The following ZNF823 variants were observed in gnomAD, a reference collection of about 807,000 sequenced individuals.
ZNF823 encodes zinc finger protein 823, also known as ZFP 36 for a zinc finger protein.
Under a neutral mutation model 11.4 loss-of-function variants are expected in ZNF823, and 5 were observed. That is an observed-to-expected ratio of 0.44 (90% CI 0.23 to 0.92). The LOEUF (loss-of-function observed/expected upper bound fraction) is 0.92. ZNF823 is among the 40% of genes least tolerant of loss of function. ZNF823 has a pLI of 0.24. For synonymous variants in ZNF823, 234 were observed against 250.5 expected (o/e 0.93, Z 0.62); for missense variants, 582 against 738.5 (o/e 0.79, Z 2.46).
Position 11,722,958 on chromosome 19 carries a change from A to C in ZNF823, c.576T>G (p.Tyr192Ter). ...AGGCTTTCCCACACAACTTACATTT[A>C]TAAGGTCCATCTCCATGGTGTGCCG... ...HMAAHHGDGPYKCKLCGKAFV... is the reference protein window; with the variant it reads ...HMAAHHGDGP The change falls in exon 4 of 4, where the codon TAT becomes TAG. Residue 192 changes from tyrosine (Y) to a stop codon, truncating the protein, a stop_gained. Transcript: ENST00000341191. LOFTEE classifies it low-confidence loss of function (END_TRUNC). The surrounding 1 kb of genome is among the most constrained non-coding windows in gnomAD (Gnocchi z 5.2). The C allele has an allele frequency of 6.2e-7, 1 of 1,614,238 alleles. No homozygotes were observed. The highest frequency in any genetic ancestry group is 8.5e-7 in the Non-Finnish European group (1 of 1,180,042).
At chr19:11,725,063 A>C in intron 2 of ZNF823, 138 bp downstream of exon 2, 3 of 1,121,880 alleles carry the variant, frequency 2.7e-6, no homozygotes, top group Non-Finnish European at 3.7e-6. Flanking sequence ...AGACTGTTTG[A>C]GGGGCTGACA....
intron 1 of ZNF823, among the ~76,000 whole-genome samples, chr19:11,727,391 T>C (rs1974810490): frequency 6.6e-6 from 1 of 151,888 alleles, no homozygotes; most frequent in Non-Finnish European, 1.5e-5. Flanking sequence ...GCACCTGTCA[T>C]CCCAGCTACT....
Position 11,722,560 on chromosome 19 carries a change from C to T in ZNF823, c.974G>A (p.Arg325Lys), listed in dbSNP as rs1472367927. The stretch of plus-strand genomic sequence containing the variant: ...TTTATGTGGTCCGTCTCCAGTGTGC[C>T]TTATCATGTGTCTTCGAAAGCTTGT... Reference protein sequence around the residue: ...HHTSFRRHMIRHTGDGPHKCK... With the variant: ...HHTSFRRHMIKHTGDGPHKCK... The change falls in exon 4 of 4, where the codon AGG (arginine) becomes AAG (lysine). Residue 325 changes from arginine (R) to lysine (K), a missense_variant. This residue lies in a region of ZNF823 where 429 missense variants were observed against 553.7 expected (regional missense o/e 0.77). Transcript: ENST00000341191. This position sits in a 1 kb window ranked among gnomAD's most constrained non-coding sequence, Gnocchi z 5.2. The T allele has an allele frequency of 1.9e-6, 3 of 1,614,052 alleles. No homozygotes were observed. Among genetic ancestry groups the T allele is most frequent in the Admixed American group, 1.7e-5 (1 of 60,010 alleles).
At chr19:11,731,504 C>T (rs1396710969) in intron 1 of ZNF823, among the ~76,000 whole-genome samples, 2 of 152,062 alleles carry the variant, frequency 1.3e-5, no homozygotes, top group Admixed American at 6.6e-5. Context: ...AAAGGTGTGC[C>T]GTTCGCTGAA....
chr19:11,727,921 T>C (rs908441275), intron 1 of ZNF823, among the ~76,000 whole-genome samples: 1 of 150,502 alleles, frequency 6.6e-6, no homozygotes, highest in African/African-American at 2.4e-5. Flanking sequence ...GGAGTCTCGC[T>C]CTGTAGCCCA....
At position 11,722,166 on chromosome 19, in the gene ZNF823, A is replaced by G. The variant is rs765894697; in HGVS notation, c.1368T>C (p.Ser456=). The G allele has an allele frequency of 3.1e-6, 5 of 1,614,164 alleles. No homozygotes were observed. The highest frequency in any genetic ancestry group is 4.2e-6 in the Non-Finnish European group (5 of 1,180,022). The change falls in exon 4 of 4, where the codon TCT becomes TCC. Residue 456 remains serine, a synonymous_variant. Transcript: ENST00000341191. The surrounding 1 kb of genome is among the most constrained non-coding windows in gnomAD (Gnocchi z 5.2). ...GAGTTGTCTCATGATTTTGAAAGGA[A>G]GAGAGATCACTAAAGGCTTTCCCAC... The part of the protein sequence containing the change: ...CQCGKAFSDL[S]SFQNHETTHT...
In ZNF823 at chr19:11,721,763, C is replaced by T. The variant is rs1294000208; in HGVS notation, c.1771G>A (p.Ala591Thr). ...KLYECKECGK[A>T]LSSLRSLHRH... Reference sequence around the variant, plus strand: ...TGCAAGGAACGGAGAGAACTCAATGCTTTCCCACATTCCTTACATTCATAC... The same window carrying T: ...TGCAAGGAACGGAGAGAACTCAATGTTTTCCCACATTCCTTACATTCATAC... Residue 591 changes from alanine to threonine, a missense_variant, in exon 4 of 4, where the codon GCA (alanine) becomes ACA (threonine). Ala to Thr is a moderately conservative substitution (Grantham distance 58). Around this residue, in one of 3 missense-constraint regions of ZNF823, gnomAD observed 144 missense variants for 154.3 expected, o/e 0.93. Transcript: ENST00000341191. 6.2e-7 allele frequency: 1 copy of T among 1,614,138 alleles called. No homozygotes were observed. Among genetic ancestry groups the T allele is most frequent in the Non-Finnish European group, 8.5e-7 (1 of 1,179,990 alleles).
chr19:11,736,628 T>C (rs1974997539), intron 1 of ZNF823, among the ~76,000 whole-genome samples: 1 of 152,282 alleles, frequency 6.6e-6, no homozygotes, highest in South Asian at 2.1e-4. Context: ...CTTTATCTTC[T>C]TTATTAAGCT....
chr19:11,731,799 C>G (rs1280820928), intron 1 of ZNF823, among the ~76,000 whole-genome samples: 2 of 152,138 alleles, frequency 1.3e-5, no homozygotes, highest in Non-Finnish European at 2.9e-5. Flanking sequence ...CACCTGAGGT[C>G]AGGAGTTCGA....
chr19:11,730,347 T>G (rs1974871192), intron 1 of ZNF823: 1 of 151,144 alleles, frequency 6.6e-6, no homozygotes, highest in Non-Finnish European at 1.5e-5. Flanking sequence ...CTCTGGGAGG[T>G]TGGAGTGGGA....
At position 11,723,128 on chromosome 19, in the gene ZNF823, A is replaced by G. The variant is rs1974724732; in HGVS notation, c.406T>C (p.Tyr136His). Residue 136 changes from tyrosine to histidine, a missense_variant, in exon 4 of 4, where the codon TAT (tyrosine) becomes CAT (histidine). Around this residue, in one of 3 missense-constraint regions of ZNF823, gnomAD observed 429 missense variants for 553.7 expected, o/e 0.77. Coordinates refer to ENST00000341191, the MANE Select transcript of ZNF823 (RefSeq NM_001080493.4). ...CEHQEYGEKPYTHKQRGKAIS... is the reference protein window; with the variant it reads ...CEHQEYGEKPHTHKQRGKAIS... ...GCTTTCCCACGTTGTTTATGTGTAT[A>G]TGGCTTCTCTCCATATTCCTGATGC... 6.2e-7 allele frequency: 1 copy of G among 1,614,148 alleles called. No homozygotes were observed. The highest frequency in any genetic ancestry group is 1.1e-5 in the South Asian group (1 of 91,082).
In ZNF823 at chr19:11,723,276, A is replaced by T. The variant is rs368436106; in HGVS notation, c.258T>A (p.Ser86Arg). 6.8e-6 allele frequency: 11 copies of T among 1,613,852 alleles called. No individual in the cohort carries two copies. Among genetic ancestry groups the T allele is most frequent in the Non-Finnish European group, 9.3e-6 (11 of 1,179,878 alleles). Residue 86 changes from serine (S) to arginine (R), a missense_variant, in exon 4 of 4, where the codon AGT (serine) becomes AGA (arginine). By Grantham distance (110) the Ser-to-Arg change is moderately radical. This residue lies in a region of ZNF823 where 429 missense variants were observed against 553.7 expected (regional missense o/e 0.77). Coordinates refer to ENST00000341191, the MANE Select transcript of ZNF823 (RefSeq NM_001080493.4). Reference sequence around the variant, plus strand: ...CTCGAGGAGTGTTCTTGTTCACAATACTATCTGGAATCTGGCCAAAAGTTT... The same window carrying T: ...CTCGAGGAGTGTTCTTGTTCACAATTCTATCTGGAATCTGGCCAAAAGTTT... The part of the protein sequence containing the change: ...CGETFGQIPD[S>R]IVNKNTPRVN...
At position 11,722,351 on chromosome 19, in the gene ZNF823, T is replaced by C; in HGVS notation, c.1183A>G (p.Lys395Glu). Reference protein sequence around the residue: ...DGPQKCKICGKAFGCPSLFQR... With the variant: ...DGPQKCKICGEAFGCPSLFQR... ...AATAAACTGGGACAACCAAAGGCTTTCCCACATATCTTGCATTTCTGGGGT... is the reference window on the plus strand; with the variant it reads ...AATAAACTGGGACAACCAAAGGCTTCCCCACATATCTTGCATTTCTGGGGT... The change falls in exon 4 of 4, where the codon AAA becomes GAA. Residue 395 changes from lysine to glutamate, a missense_variant. Lys to Glu is a moderately conservative substitution (Grantham distance 56, BLOSUM62 1). Coordinates refer to ENST00000341191, the MANE Select transcript of ZNF823 (RefSeq NM_001080493.4). The surrounding 1 kb of genome is among the most constrained non-coding windows in gnomAD (Gnocchi z 5.2). The C allele has an allele frequency of 1.9e-6, 3 of 1,614,128 alleles. No homozygotes were observed. The highest frequency in any genetic ancestry group is 2.5e-6 in the Non-Finnish European group (3 of 1,180,026).
chr19:11,723,029 A>G lies in ZNF823; in HGVS notation c.505T>C (p.Cys169Arg). 6.2e-7 allele frequency: 1 copy of G among 1,614,150 alleles called. No individual in the cohort carries two copies. Among genetic ancestry groups the G allele is most frequent in the South Asian group, 1.1e-5 (1 of 91,074 alleles). Residue 169 changes from cysteine (C) to arginine (R), a missense_variant, in exon 4 of 4, where the codon TGT becomes CGT. Around this residue, in one of 3 missense-constraint regions of ZNF823, gnomAD observed 429 missense variants for 553.7 expected, o/e 0.77. Coordinates refer to ENST00000341191, the MANE Select transcript of ZNF823 (RefSeq NM_001080493.4). ...TGKKPFDCKECAKTFSSLGNL... is the reference protein window; with the variant it reads ...TGKKPFDCKERAKTFSSLGNL... ...CCAAGAGAACTAAAGGTTTTTGCAC[A>G]TTCTTTACAATCGAAGGGTTTCTTT...
Position 11,725,277 on chromosome 19 carries a change from C to T in ZNF823, c.54G>A (p.Trp18Ter). 1 of 1,614,114 alleles carries T rather than the reference C, an allele frequency of 6.2e-7. No homozygotes were observed. The highest frequency in any genetic ancestry group is 8.5e-7 in the Non-Finnish European group (1 of 1,180,018). The change falls in exon 2 of 4, where the codon TGG becomes TGA. Residue 18 changes from tryptophan (W) to a stop codon, truncating the protein, a stop_gained. Coordinates refer to ENST00000341191, the MANE Select transcript of ZNF823 (RefSeq NM_001080493.4). LOFTEE classifies it high-confidence loss of function. Reference protein sequence around the residue: ...DVAVNFTQEEWALLGPSQKSL... With the variant: ...DVAVNFTQEE ...TCTTCTGTGATGGACCCAGCAAAGC[C>T]CACTCCTCTTGTGTGAAGTTCACAG...
intron 3 of ZNF823, among the ~76,000 whole-genome samples, 182 bp from the exon 4 acceptor site, chr19:11,723,524 T>G (rs1239834561): frequency 6.6e-6 from 1 of 152,220 alleles, no homozygotes; most frequent in African/African-American, 2.4e-5. Flanking sequence ...AACAGTGATA[T>G]TCACATGGAG....
chr19:11,735,932 T>G (rs1442699279), intron 1 of ZNF823, among the ~76,000 whole-genome samples: 2 of 150,866 alleles, frequency 1.3e-5, no homozygotes, highest in Admixed American at 6.6e-5. Context: ...ATTTAGTAAA[T>G]GAATAATGAT....
intron 1 of ZNF823, among the ~76,000 whole-genome samples, chr19:11,732,155 G>A (rs892446532): frequency 6.7e-6 from 1 of 148,756 alleles, no homozygotes; most frequent in Non-Finnish European, 1.5e-5. Context: ...GGGCAGGGAT[G>A]GTTAAAGGTT....
chr19:11,726,370 A>G (rs1362620075), intron 1 of ZNF823, among the ~76,000 whole-genome samples: 1 of 149,888 alleles, frequency 6.7e-6, no homozygotes, highest in Non-Finnish European at 1.5e-5. Context: ...TTACATGATC[A>G]GCAGAGAGAG....
Sources: gnomAD v4.1 joint callset for allele counts (sites outside exome capture counted in the v4.1 genomes callset) on GRCh38, gnomAD v4.1.1 for gene constraint, gnomAD v4.1.1 regional missense constraint, Gnocchi (gnomAD v3.1) non-coding constraint, MANE v1.5 for transcripts, NCBI Gene and HGNC (gene_info 2026-07-23, HGNC 2026-07-21) for gene names.